CARNMT1: variants seen among roughly 807,000 people sequenced by gnomAD.
CARNMT1 encodes the protein protein-L-histidine N-pros-methyltransferase CARNMT1.
In CARNMT1, 28 loss-of-function variants were observed where a neutral mutation model predicts 49.6. The observed-to-expected ratio is 0.56, with a 90% CI of 0.42 to 0.77. The LOEUF is 0.77. Ranked by LOEUF, CARNMT1 falls within the 30% of genes least tolerant of loss-of-function variation. The pLI is 0.00. For missense variants in CARNMT1, 421 were observed against 512.6 expected (o/e 0.82, Z 1.73); for synonymous variants, 178 against 175.0 (o/e 1.02, Z -0.13).
Position 75,028,094 on chromosome 9 carries a change from C to T in CARNMT1, c.148G>A (p.Ala50Thr). 6.4e-7 allele frequency: 1 copy of T among 1,554,836 alleles called. No individual in the cohort carries two copies. Among genetic ancestry groups the T allele is most frequent in the Admixed American group, 1.9e-5 (1 of 53,010 alleles). Residue 50 changes from alanine to threonine, a missense_variant, in exon 1 of 8, where the codon GCC (alanine) becomes ACC (threonine). By Grantham distance (58) the Ala-to-Thr change is moderately conservative. Coordinates refer to ENST00000376834, the MANE Select transcript of CARNMT1 (RefSeq NM_152420.3). ...AAAVSAAAAA[A>T]TRSTEEEEER... The stretch of plus-strand genomic sequence containing the variant: ...TCCTCCTCCTCGGTGCTGCGCGTGG[C>T]CGCCGCCGCTGCCGCCGAAACCGCC...
At position 75,015,088 on chromosome 9, in the gene CARNMT1, G is replaced by A. The variant is rs77363329; in HGVS notation, c.590+1180C>T. On this transcript the variant is annotated intron_variant, in intron 3 of 7. Coordinates refer to ENST00000376834, the MANE Select transcript of CARNMT1 (RefSeq NM_152420.3). ...CAGGGGTTCCTAACCTGGGACAGAG[G>A]TTAGGTGGATTAAATTCTATCCATC... is the stretch of plus-strand genomic sequence containing the variant. 4.0e-3 allele frequency among the ~76,000 whole-genome samples: 609 copies of A among 152,272 alleles called. 2 individuals carry two copies. The highest frequency in any genetic ancestry group is 7.1e-3 in the Non-Finnish European group (480 of 68,032).
intron 3 of CARNMT1, among the ~76,000 whole-genome samples, chr9:75,008,848 G>GC (rs1189754823): frequency 2.0e-5 from 3 of 152,136 alleles, no homozygotes; most frequent in Admixed American, 1.3e-4. Flanking sequence ...ATTACAAGAG[G>GC]CCCCCAAAAT....
chr9:75,003,449 T>C (rs572875692), intron 3 of CARNMT1, among the ~76,000 whole-genome samples: 22 of 152,370 alleles, frequency 1.4e-4, no homozygotes, highest in Middle Eastern at 3.4e-3. Context: ...CATCTAAGAA[T>C]TGTTTATGGC....
At chr9:74,984,861 G>C (rs753204246) in intron 7 of CARNMT1, 46 bp downstream of exon 7, 1 of 1,222,044 alleles carries the variant, frequency 8.2e-7, no homozygotes, top group Non-Finnish European at 1.2e-6. Context: ...CTTCTGTTGA[G>C]GTGCTTTGGG....
chr9:74,988,558 T>C (rs1245639160), intron 6 of CARNMT1, among the ~76,000 whole-genome samples: 1 of 152,194 alleles, frequency 6.6e-6, no homozygotes, highest in Non-Finnish European at 1.5e-5. Context: ...TCTTGCTGAG[T>C]ATGTCTGTCC....
Position 74,983,760 on chromosome 9 carries a change from G to C in CARNMT1, c.*7C>G, listed in dbSNP as rs1466380768. ...AACTTTTTTCCAGGTGGTATCACTT[G>C]AGACCATTATTGTGGCTTACGGACC... On this transcript the variant is annotated 3_prime_UTR_variant, in exon 8 of 8. Coordinates refer to ENST00000376834, the MANE Select transcript of CARNMT1 (RefSeq NM_152420.3). The C allele has an allele frequency of 1.3e-6, 2 of 1,554,538 alleles. No individual in the cohort carries two copies. Among genetic ancestry groups the C allele is most frequent in the East Asian group, 4.5e-5 (2 of 44,198 alleles).
chr9:74,998,301 T>G (rs143341673), intron 5 of CARNMT1, among the ~76,000 whole-genome samples: 37 of 152,328 alleles, frequency 2.4e-4, no homozygotes, highest in Admixed American at 6.5e-4. Context: ...GCTTCCTTCT[T>G]ACACTAATAA....
intron 3 of CARNMT1, among the ~76,000 whole-genome samples, chr9:75,005,168 T>A (rs1833464720): frequency 6.6e-6 from 1 of 152,162 alleles, no homozygotes; most frequent in African/African-American, 2.4e-5. Flanking sequence ...CCTAAGCTCA[T>A]TCTTTAAATT....
chr9:75,027,699 C>A (rs936991499), intron 1 of CARNMT1, among the ~76,000 whole-genome samples: 2 of 152,212 alleles, frequency 1.3e-5, no homozygotes, highest in Non-Finnish European at 2.9e-5. Flanking sequence ...ATTGTTACAG[C>A]GCTTCTCTGG....
chr9:75,027,126 T>C, intron 1 of CARNMT1: 1 of 1,304,116 alleles, frequency 7.7e-7, no homozygotes, highest in Non-Finnish European at 1.0e-6. Context: ...TCATATCTCT[T>C]ACGTGAATAA....
intron 6 of CARNMT1, 105 bp downstream of exon 6, chr9:74,996,342 A>C (rs10869466): frequency 1.6e-6 from 1 of 636,562 alleles, no homozygotes; most frequent in Non-Finnish European, 2.7e-6. Flanking sequence ...CATTTACAAC[A>C]TAATTCTAAT....
At position 75,007,754 on chromosome 9, in the gene CARNMT1, A is replaced by C. The variant is rs1203406600; in HGVS notation, c.591-7884T>G. 2.7e-5 allele frequency among the ~76,000 whole-genome samples: 4 copies of C among 150,822 alleles called. 1 individual carries two copies. The South Asian group carries it at 8.4e-4, about 32-fold the overall frequency. Reference sequence around the variant, plus strand: ...AAAAAAATAAAAATAATAAAAAAAAAAAAACTAAGAAAATTCTTCAACACG... The same window carrying C: ...AAAAAAATAAAAATAATAAAAAAAACAAAACTAAGAAAATTCTTCAACACG... On this transcript the variant is annotated intron_variant, in intron 3 of 7. Coordinates refer to ENST00000376834, the MANE Select transcript of CARNMT1 (RefSeq NM_152420.3).
intron 7 of CARNMT1, among the ~76,000 whole-genome samples, chr9:74,984,361 T>C (rs898196339): frequency 6.6e-6 from 1 of 152,208 alleles, no homozygotes; most frequent in Admixed American, 6.5e-5. Flanking sequence ...AGATCAGTAT[T>C]ATAATGATCG....
At chr9:74,990,347 G>A (rs963850197) in intron 6 of CARNMT1, among the ~76,000 whole-genome samples, 2 of 152,184 alleles carry the variant, frequency 1.3e-5, no homozygotes, top group Admixed American at 1.3e-4. Flanking sequence ...AGCAAAGACG[G>A]AAACTAGAGG....
intron 3 of CARNMT1, among the ~76,000 whole-genome samples, chr9:75,014,530 C>A (rs374445714): frequency 6.6e-6 from 1 of 151,852 alleles, no homozygotes; most frequent in African/African-American, 2.4e-5. Flanking sequence ...ATACATAATG[C>A]AAGGGAAAGA....
intron 1 of CARNMT1, among the ~76,000 whole-genome samples, chr9:75,022,380 T>C (rs187148597): frequency 2.6e-5 from 4 of 152,036 alleles, no homozygotes; most frequent in Admixed American, 2.0e-4. Context: ...CACACCACCA[T>C]GCCCGGCTAA....
At chr9:75,018,735 A>G (rs1237842803) in intron 1 of CARNMT1, among the ~76,000 whole-genome samples, 1 of 152,192 alleles carries the variant, frequency 6.6e-6, no homozygotes, top group Admixed American at 6.5e-5. Context: ...TGGGAGGCCA[A>G]TGTGGGCGGA....
intron 1 of CARNMT1, among the ~76,000 whole-genome samples, chr9:75,025,589 A>C (rs970187670): frequency 3.9e-5 from 6 of 152,200 alleles, no homozygotes; most frequent in Non-Finnish European, 8.8e-5. Context: ...ATATGCATTC[A>C]TGGCATAATT....
At chr9:74,984,500 C>T (rs113426008) in intron 7 of CARNMT1, among the ~76,000 whole-genome samples, 7 of 152,286 alleles carry the variant, frequency 4.6e-5, no homozygotes, top group Non-Finnish European at 7.4e-5. Context: ...AAATCTGAAA[C>T]GCTTCAAAAT....
Sources: gnomAD v4.1 joint callset for allele counts (sites outside exome capture counted in the v4.1 genomes callset) on GRCh38, gnomAD v4.1.1 for gene constraint, MANE v1.5 for transcripts, NCBI Gene and HGNC (gene_info 2026-07-23, HGNC 2026-07-21) for gene names.